ZSWIM6: variants seen among roughly 807,000 people sequenced by gnomAD.
The protein encoded by ZSWIM6 is zinc finger SWIM domain-containing protein 6.
Under a neutral mutation model 113.2 loss-of-function variants are expected in ZSWIM6, and 9 were observed. That is an observed-to-expected ratio of 0.08 (90% CI 0.05 to 0.14). ZSWIM6 has a LOEUF of 0.14. Among genes scored for constraint, ZSWIM6 ranks in the 10% least tolerant of loss-of-function variants. The pLI is 1.00. For missense variants in ZSWIM6, 1,162 were observed against 1,552.2 expected, an observed-to-expected ratio of 0.75 and a Z score of 4.22; for synonymous variants, 611 against 606.5, an observed-to-expected ratio of 1.01 and a Z score of -0.11.
intron 4 of ZSWIM6, among the ~76,000 whole-genome samples, chr5:61,503,714 A>T (rs955541871): frequency 6.6e-6 from 1 of 152,186 alleles, no homozygotes; most frequent in African/African-American, 2.4e-5. Context: ...TGTTCACCAG[A>T]ACAGATTGAC....
intron 1 of ZSWIM6, among the ~76,000 whole-genome samples, chr5:61,462,317 G>A (rs778265809): frequency 6.6e-6 from 1 of 152,298 alleles, no homozygotes; most frequent in African/African-American, 2.4e-5. Flanking sequence ...GGATAAAAGG[G>A]ATGTTTTATA....
chr5:61,536,986 G>A (rs1032394857), intron 10 of ZSWIM6, among the ~76,000 whole-genome samples: 2 of 152,130 alleles, frequency 1.3e-5, no homozygotes, highest in African/African-American at 4.8e-5. Context: ...AAGCTGAAAT[G>A]GAAGCTGTCT....
At chr5:61,432,127 G>C (rs1260121415) in intron 1 of ZSWIM6, among the ~76,000 whole-genome samples, 1 of 152,192 alleles carries the variant, frequency 6.6e-6, no homozygotes, top group Non-Finnish European at 1.5e-5. Context: ...ATAGGAACAA[G>C]CTGCTGTTTG....
Position 61,519,401 on chromosome 5 carries a change from G to A in ZSWIM6, c.1334-1862G>A, listed in dbSNP as rs538639995. On this transcript the variant is annotated intron_variant, in intron 4 of 13. Transcript: ENST00000252744. ...TGTCGTTTATAAAGTTCCCTGGATG[G>A]GGCTAATTTTATTTCAATGCTAGGA... Among the ~76,000 whole-genome samples, 5 of 152,122 alleles carry A rather than the reference G, an allele frequency of 3.3e-5. No homozygotes were observed. The South Asian group carries it at 1.0e-3, about 32-fold the overall frequency.
chr5:61,538,778 T>C (rs1298267553), intron 10 of ZSWIM6, 36 bp from the exon 11 acceptor site: 4 of 1,527,488 alleles, frequency 2.6e-6, no homozygotes, highest in East Asian at 2.5e-5. Context: ...GGTCAAGAAA[T>C]AACTAGGGGC....
chr5:61,351,427 G>A (rs1250407860), intron 1 of ZSWIM6, among the ~76,000 whole-genome samples: 1 of 152,144 alleles, frequency 6.6e-6, no homozygotes, highest in Non-Finnish European at 1.5e-5. Flanking sequence ...TTATGTTTGT[G>A]AATTCCTTAT....
In ZSWIM6 at chr5:61,535,599, A is replaced by G; in HGVS notation, c.2361A>G (p.Lys787=). ...LLPHDAELAY[K]IALRAMRLLV... is the part of the protein sequence containing the mutation. ...CTCACGATGCTGAATTGGCATACAA[A>G]ATTGCACTGAGAGCAATGCGGTATG... Residue 787 remains lysine (K), a synonymous_variant, in exon 10 of 14, where the codon AAA becomes AAG. Coordinates refer to ENST00000252744, the MANE Select transcript of ZSWIM6 (RefSeq NM_020928.2). The G allele has an allele frequency of 6.4e-7, 1 of 1,551,222 alleles. No homozygotes were observed. The highest frequency in any genetic ancestry group is 8.7e-7 in the Non-Finnish European group (1 of 1,146,706).
At chr5:61,450,401 C>T (rs1286825477) in intron 1 of ZSWIM6, among the ~76,000 whole-genome samples, 1 of 152,096 alleles carries the variant, frequency 6.6e-6, no homozygotes, top group Non-Finnish European at 1.5e-5. Context: ...GGGCTGGGAC[C>T]AGATGGGAAT....
intron 1 of ZSWIM6, among the ~76,000 whole-genome samples, chr5:61,357,263 A>G (rs1311143151): frequency 1.3e-5 from 2 of 152,222 alleles, no homozygotes; most frequent in African/African-American, 2.4e-5. Context: ...TATTCAGGTT[A>G]TGCAGCTGAA....
chr5:61,452,191 C>T (rs1747098909), intron 1 of ZSWIM6, among the ~76,000 whole-genome samples: 8 of 152,020 alleles, frequency 5.3e-5, no homozygotes, highest in Admixed American at 5.2e-4. Flanking sequence ...TATACTGTAA[C>T]CTCCTACTTT....
At chr5:61,422,696 A>C (rs1429913302) in intron 1 of ZSWIM6, among the ~76,000 whole-genome samples, 1 of 152,204 alleles carries the variant, frequency 6.6e-6, no homozygotes, top group Non-Finnish European at 1.5e-5. Context: ...CTAATCCATG[A>C]ACATGGAGTA....
At chr5:61,388,231 C>T (rs987231411) in intron 1 of ZSWIM6, among the ~76,000 whole-genome samples, 2 of 152,036 alleles carry the variant, frequency 1.3e-5, no homozygotes, top group African/African-American at 4.8e-5. Context: ...GATCCACCCA[C>T]CTCAGCCTCA....
At chr5:61,513,073 G>C (rs915251276) in intron 4 of ZSWIM6, among the ~76,000 whole-genome samples, 6 of 152,014 alleles carry the variant, frequency 3.9e-5, no homozygotes, top group Admixed American at 6.6e-5. Flanking sequence ...CACCATTAAA[G>C]TATCAAACAG....
At chr5:61,441,685 G>A (rs1393693409) in intron 1 of ZSWIM6, among the ~76,000 whole-genome samples, 1 of 152,084 alleles carries the variant, frequency 6.6e-6, no homozygotes, top group East Asian at 1.9e-4. Context: ...GACTGCCCAG[G>A]CTTATTCCTG....
chr5:61,343,487 T>G lies in ZSWIM6; in HGVS notation c.676+10539T>G, dbSNP rs1579941841. ...TTACGTAATTACAATCAGTACAGATTAGAATTTTGTATACGCCAGGTTGTA... is the reference window on the plus strand; with the variant it reads ...TTACGTAATTACAATCAGTACAGATGAGAATTTTGTATACGCCAGGTTGTA... On this transcript the variant is annotated intron_variant, in intron 1 of 13. Transcript: ENST00000252744. Among the ~76,000 whole-genome samples, 3 of 152,250 alleles carry G rather than the reference T, an allele frequency of 2.0e-5. No homozygotes were observed. In the East Asian group the frequency reaches 5.8e-4, roughly 29 times the overall value.
chr5:61,467,997 T>C (rs1179205632), intron 1 of ZSWIM6, among the ~76,000 whole-genome samples: 3 of 152,176 alleles, frequency 2.0e-5, no homozygotes, highest in African/African-American at 7.2e-5. Context: ...ACCCCTCCCC[T>C]GTTTCTCCAG....
intron 1 of ZSWIM6, among the ~76,000 whole-genome samples, chr5:61,403,038 AAG>A (rs1165148889): frequency 6.6e-6 from 1 of 152,242 alleles, no homozygotes; most frequent in Non-Finnish European, 1.5e-5. Context: ...TGGTAAAATT[AAG>A]AGAGTAATTG....
chr5:61,510,561 T>C (rs931316280), intron 4 of ZSWIM6, among the ~76,000 whole-genome samples: 4 of 151,946 alleles, frequency 2.6e-5, no homozygotes, highest in African/African-American at 9.7e-5. Context: ...TTGCCTTATA[T>C]GTTACAGTGC....
chr5:61,504,089 A>T (rs778590255), intron 4 of ZSWIM6, among the ~76,000 whole-genome samples: 19 of 152,224 alleles, frequency 1.2e-4, no homozygotes, highest in Non-Finnish European at 2.5e-4. Context: ...TAATGCTGAC[A>T]CTTACTTAGA....
Sources: gnomAD v4.1 joint callset for allele counts (sites outside exome capture counted in the v4.1 genomes callset) on GRCh38, gnomAD v4.1.1 for gene constraint, MANE v1.5 for transcripts, NCBI Gene and HGNC (gene_info 2026-07-23, HGNC 2026-07-21) for gene names.